The following DNAJC5B variants were observed in gnomAD, a reference collection of about 807,000 sequenced individuals.
DNAJC5B encodes the protein DnaJ heat shock protein family (Hsp40) member C5 beta.
DNAJC5B carries 23 observed loss-of-function variants against 24.7 expected under a neutral mutation model. That is an observed-to-expected ratio of 0.93 (90% CI 0.67 to 1.32). The LOEUF (loss-of-function observed/expected upper bound fraction) is 1.32, where lower values mean the gene tolerates loss of function less well. DNAJC5B is among the 40% of genes most tolerant of loss of function. The pLI, the probability that DNAJC5B is intolerant of heterozygous loss-of-function variation, is 0.00. For synonymous variants in DNAJC5B, 101 were observed against 90.1 expected (o/e 1.12, Z -0.68); for missense variants, 238 against 240.8 (o/e 0.99, Z 0.08).
chr8:66,045,506 A>G (rs1358645018), intron 2 of DNAJC5B, among the ~76,000 whole-genome samples: 1 of 152,216 alleles, frequency 6.6e-6, no homozygotes, highest in East Asian at 1.9e-4. Flanking sequence ...AGAATTAGCT[A>G]GCTACTGTGT....
At chr8:66,089,745 G>GCTTCTACCTTTAA (rs1807805829) in intron 5 of DNAJC5B, among the ~76,000 whole-genome samples, 1 of 152,104 alleles carries the variant, frequency 6.6e-6, no homozygotes, top group Non-Finnish European at 1.5e-5. Context: ...AAACTATATC[G>GCTTCTACCTTTAA]GAAAGTATAA....
At chr8:66,080,224 G>A (rs896635899) in intron 4 of DNAJC5B, among the ~76,000 whole-genome samples, 153 bp from the exon 5 acceptor site, 1 of 152,152 alleles carries the variant, frequency 6.6e-6, no homozygotes, top group African/African-American at 2.4e-5. Context: ...TAGTTCTTAT[G>A]TGGAGTAAGG....
At chr8:66,079,840 C>T (rs897339037) in intron 4 of DNAJC5B, among the ~76,000 whole-genome samples, 3 of 152,116 alleles carry the variant, frequency 2.0e-5, no homozygotes, top group Admixed American at 2.0e-4. Context: ...TGTTCTGAAG[C>T]CCTGCTGGCC....
chr8:66,029,390 G>A (rs183373441), intron 1 of DNAJC5B, among the ~76,000 whole-genome samples: 1 of 152,346 alleles, frequency 6.6e-6, no homozygotes, highest in East Asian at 1.9e-4. Context: ...GCATTGGGAA[G>A]AAGTGGCACT....
chr8:66,022,078 A>G (rs1806139786), intron 1 of DNAJC5B, among the ~76,000 whole-genome samples: 1 of 152,246 alleles, frequency 6.6e-6, no homozygotes, highest in South Asian at 2.1e-4. Flanking sequence ...CTCTAAGGTC[A>G]AGTTTTGAAA....
chr8:66,071,148 A>T (rs568003511), intron 3 of DNAJC5B, among the ~76,000 whole-genome samples: 18 of 152,340 alleles, frequency 1.2e-4, no homozygotes, highest in Non-Finnish European at 1.9e-4. Context: ...ATGGGCAAAG[A>T]CTTCATGACT....
At chr8:66,076,924 ATCACTCTTTTAGAT>A in intron 4 of DNAJC5B, 51 bp downstream of exon 4, 2 of 1,594,602 alleles carry the variant, frequency 1.3e-6, no homozygotes, top group South Asian at 2.2e-5. Context: ...CATGATATTA[ATCACTCTTTTAGAT>A]TCCATCTCAA....
chr8:66,020,227 C>G (rs1264280366), upstream of DNAJC5B, among the ~76,000 whole-genome samples: 2 of 152,154 alleles, frequency 1.3e-5, no homozygotes, highest in African/African-American at 2.4e-5. Context: ...CTATAATTTT[C>G]TCATCCAGAA....
At chr8:66,094,190 C>T (rs1189088852) in intron 5 of DNAJC5B, among the ~76,000 whole-genome samples, 2 of 151,978 alleles carry the variant, frequency 1.3e-5, no homozygotes, top group African/African-American at 4.8e-5. Flanking sequence ...AGGTTTTTGT[C>T]AAGTTATTTA....
chr8:66,043,082 T>C (rs1337346003), intron 1 of DNAJC5B, among the ~76,000 whole-genome samples: 1 of 152,158 alleles, frequency 6.6e-6, no homozygotes, highest in African/African-American at 2.4e-5. Context: ...TAAAACCACC[T>C]CAGTCAGTAC....
At chr8:66,049,714 T>C (rs1467893992) in intron 2 of DNAJC5B, among the ~76,000 whole-genome samples, 2 of 152,232 alleles carry the variant, frequency 1.3e-5, no homozygotes, top group African/African-American at 2.4e-5. Flanking sequence ...ATCCGTGTAG[T>C]AGATTATCTT....
At chr8:66,064,530 C>A (rs1807148389) in intron 3 of DNAJC5B, among the ~76,000 whole-genome samples, 1 of 152,172 alleles carries the variant, frequency 6.6e-6, no homozygotes, top group Admixed American at 6.5e-5. Context: ...CCTCCCTTGA[C>A]CTTCTAGTTC....
At chr8:66,030,697 C>T (rs1806339446) in intron 1 of DNAJC5B, among the ~76,000 whole-genome samples, 1 of 152,100 alleles carries the variant, frequency 6.6e-6, no homozygotes, top group African/African-American at 2.4e-5. Flanking sequence ...ATTGCAGTGG[C>T]AAGATCTCAG....
chr8:66,087,453 C>T (rs557688991), intron 5 of DNAJC5B, among the ~76,000 whole-genome samples: 40 of 152,216 alleles, frequency 2.6e-4, no homozygotes, highest in South Asian at 6.2e-4. Context: ...TTTCACATTT[C>T]GAAACCAATC....
chr8:66,044,292 A>T (rs7821284), intron 2 of DNAJC5B, among the ~76,000 whole-genome samples: 1 of 151,996 alleles, frequency 6.6e-6, no homozygotes, highest in African/African-American at 2.4e-5. Flanking sequence ...ATGACAAAGC[A>T]GCAAAACTTG....
intron 2 of DNAJC5B, among the ~76,000 whole-genome samples, chr8:66,045,943 G>A (rs915926009): frequency 5.3e-5 from 8 of 152,116 alleles, no homozygotes; most frequent in African/African-American, 1.7e-4. Context: ...GCTGCCCAAC[G>A]CCAAACCTAA....
chr8:66,036,110 G>T (rs1806478522), intron 1 of DNAJC5B, among the ~76,000 whole-genome samples: 1 of 152,192 alleles, frequency 6.6e-6, no homozygotes, highest in South Asian at 2.1e-4. Context: ...CAATGAGCTG[G>T]CCAAGGAAAA....
intron 3 of DNAJC5B, among the ~76,000 whole-genome samples, chr8:66,066,443 A>G (rs545260173): frequency 1.3e-5 from 2 of 152,364 alleles, no homozygotes; most frequent in Non-Finnish European, 2.9e-5. Flanking sequence ...TACTTATTGC[A>G]GCACAATTCA....
At chr8:66,032,609 C>T (rs1219770963) in intron 1 of DNAJC5B, among the ~76,000 whole-genome samples, 3 of 152,138 alleles carry the variant, frequency 2.0e-5, no homozygotes, top group East Asian at 1.9e-4. Context: ...CCTAGGTTGC[C>T]TTAAATGGCC....
Sources: gnomAD v4.1 joint callset for allele counts (sites outside exome capture counted in the v4.1 genomes callset) on GRCh38, gnomAD v4.1.1 for gene constraint, MANE v1.5 for transcripts, NCBI Gene and HGNC (gene_info 2026-07-23, HGNC 2026-07-21) for gene names.